The following SUPT3H variants were observed in gnomAD, a reference collection of about 807,000 sequenced individuals.
SUPT3H encodes transcription initiation protein SPT3 homolog.
Under a neutral mutation model 44.3 loss-of-function variants are expected in SUPT3H, and 44 were observed. That is an observed-to-expected ratio of 0.99 (90% CI 0.78 to 1.28). SUPT3H has a LOEUF of 1.28. SUPT3H is among the 50% of genes most tolerant of loss of function. SUPT3H has a pLI of 0.00. For missense variants in SUPT3H, 380 were observed against 387.1 expected (o/e 0.98, Z 0.15); for synonymous variants, 124 against 125.6 (o/e 0.99, Z 0.09).
chr6:45,082,744 A>T (rs1431953757), intron 3 of SUPT3H, among the ~76,000 whole-genome samples: 1 of 152,162 alleles, frequency 6.6e-6, no homozygotes, highest in African/African-American at 2.4e-5. Context: ...GACTACTTCT[A>T]CTCAACATAG....
intron 2 of SUPT3H, among the ~76,000 whole-genome samples, chr6:45,295,542 A>AC (rs1225739355): frequency 1.1e-4 from 16 of 148,472 alleles, no homozygotes; most frequent in Non-Finnish European, 2.1e-4. Flanking sequence ...AAAAAAAAAA[A>AC]AAAAAAAAAA....
chr6:44,958,531 A>G (rs1775542748), intron 7 of SUPT3H, among the ~76,000 whole-genome samples: 1 of 152,070 alleles, frequency 6.6e-6, no homozygotes, highest in Non-Finnish European at 1.5e-5. Flanking sequence ...TTTCCTTTAT[A>G]CATATTTATG....
chr6:45,367,459 A>G (rs1025784982), intron 1 of SUPT3H, among the ~76,000 whole-genome samples: 2 of 148,158 alleles, frequency 1.3e-5, no homozygotes, highest in African/African-American at 4.9e-5. Flanking sequence ...GACTCGGATT[A>G]AAAAAAAAAA....
intron 3 of SUPT3H, among the ~76,000 whole-genome samples, chr6:45,023,960 C>A (rs1345604063): frequency 6.6e-6 from 1 of 152,058 alleles, no homozygotes; most frequent in Non-Finnish European, 1.5e-5. Context: ...ACTGGGCAGT[C>A]CAATTCCACA....
At chr6:45,249,807 G>T (rs995161129) in intron 2 of SUPT3H, among the ~76,000 whole-genome samples, 2 of 147,628 alleles carry the variant, frequency 1.4e-5, no homozygotes, top group East Asian at 1.9e-4. Flanking sequence ...ACACATCTGT[G>T]GGGGGGTGGG....
chr6:45,033,198 C>T (rs548602035), intron 3 of SUPT3H, among the ~76,000 whole-genome samples: 32 of 152,180 alleles, frequency 2.1e-4, no homozygotes, highest in African/African-American at 3.4e-4. Context: ...CATATATTAA[C>T]CTTTTATTTC....
In SUPT3H at chr6:45,138,619, G is replaced by A. The variant is rs576853249; in HGVS notation, c.102-32613C>T. ...TGGAAAATACTCTGTGTGTGTGTGT[G>A]TCTGTGTGTGTGTGATTTCATTTAT... is the stretch of plus-strand genomic sequence containing the variant. On this transcript the variant is annotated intron_variant, in intron 2 of 10. Coordinates refer to ENST00000371459, the MANE Select transcript of SUPT3H (RefSeq NM_003599.4). 3.9e-5 allele frequency among the ~76,000 whole-genome samples: 6 copies of A among 152,228 alleles called. No homozygotes were observed. The East Asian group carries it at 7.7e-4, about 20-fold the overall frequency.
intron 3 of SUPT3H, among the ~76,000 whole-genome samples, chr6:45,041,893 T>C (rs1583213872): frequency 6.6e-6 from 1 of 152,200 alleles, no homozygotes; most frequent in Non-Finnish European, 1.5e-5. Flanking sequence ...GAGATGATTA[T>C]GGGCTTATCC....
In SUPT3H at chr6:44,960,386, C is replaced by T. The variant is rs184754536; in HGVS notation, c.580+1367G>A. 2.1e-5 allele frequency among the ~76,000 whole-genome samples: 3 copies of T among 143,952 alleles called. No homozygotes were observed. The Admixed American group carries it at 2.1e-4, about 10-fold the overall frequency. 94.4% of individuals were successfully genotyped at this position (143,952 alleles called of 152,430 possible). On this transcript the variant is annotated intron_variant, in intron 7 of 10. Coordinates refer to ENST00000371459, the MANE Select transcript of SUPT3H (RefSeq NM_003599.4). ...AGTGAGCCGAGATCGCACCACTGCA[C>T]TCCAGACTGGGCAACAGAGTGAGAT...
At chr6:45,145,284 T>C (rs1366112609) in intron 2 of SUPT3H, among the ~76,000 whole-genome samples, 1 of 152,106 alleles carries the variant, frequency 6.6e-6, no homozygotes, top group Non-Finnish European at 1.5e-5. Context: ...AAAGCTATAG[T>C]TACCGAAACA....
chr6:45,081,274 A>G (rs1413539079), intron 3 of SUPT3H, among the ~76,000 whole-genome samples: 1 of 151,908 alleles, frequency 6.6e-6, no homozygotes, highest in Non-Finnish European at 1.5e-5. Context: ...AGAAATACTG[A>G]TATTTCTGTT....
chr6:44,917,858 C>A (rs186642476), intron 10 of SUPT3H, among the ~76,000 whole-genome samples: 371 of 152,242 alleles, frequency 2.4e-3, no homozygotes, highest in African/African-American at 8.4e-3. Flanking sequence ...TAGAAAAAAA[C>A]CAGTTCTTTG....
intron 2 of SUPT3H, among the ~76,000 whole-genome samples, chr6:45,188,211 C>A (rs1321242401): frequency 6.6e-6 from 1 of 152,152 alleles, no homozygotes; most frequent in East Asian, 1.9e-4. Context: ...TCCAATTTGC[C>A]AAAGAGATGC....
intron 7 of SUPT3H, among the ~76,000 whole-genome samples, chr6:44,961,227 C>T (rs1775973955): frequency 6.6e-6 from 1 of 152,162 alleles, no homozygotes; most frequent in South Asian, 2.1e-4. Flanking sequence ...ACTAGTGTTA[C>T]TAGAGCATGT....
intron 3 of SUPT3H, among the ~76,000 whole-genome samples, chr6:45,026,522 T>C (rs1388544616): frequency 6.6e-6 from 1 of 152,106 alleles, no homozygotes; most frequent in Non-Finnish European, 1.5e-5. Context: ...TATTTAACTT[T>C]TAAATTTTAT....
intron 10 of SUPT3H, among the ~76,000 whole-genome samples, chr6:44,905,269 C>A (rs1202245338): frequency 1.3e-5 from 2 of 152,178 alleles, no homozygotes; most frequent in Non-Finnish European, 2.9e-5. Flanking sequence ...GCAATCTACT[C>A]ATCTGACAAA....
rs139747590 is a variant in SUPT3H, at chr6:44,879,290, A to G, written c.913-49433T>C. The stretch of plus-strand genomic sequence containing the variant: ...CTTGAGTAGGCAATGTTCCCCTCAC[A>G]GTGTAAGCAAAGCTGCCTGGAACTT... On this transcript the variant is annotated intron_variant, in intron 10 of 10. Coordinates refer to ENST00000371459, the MANE Select transcript of SUPT3H (RefSeq NM_003599.4). Among the ~76,000 whole-genome samples, 809 of 152,316 alleles carry G rather than the reference A, an allele frequency of 5.3e-3. 5 individuals are homozygous for G. The highest frequency in any genetic ancestry group is 0.018 in the African/African-American group (755 of 41,574).
intron 2 of SUPT3H, chr6:45,197,533 T>C: frequency 8.2e-6 from 2 of 244,484 alleles, no homozygotes; most frequent in South Asian, 1.0e-4. Flanking sequence ...CTATAATACA[T>C]GCTTTTTAAA....
intron 10 of SUPT3H, among the ~76,000 whole-genome samples, chr6:44,908,244 T>C (rs995687250): frequency 2.6e-5 from 4 of 151,206 alleles, no homozygotes; most frequent in Non-Finnish European, 5.9e-5. Context: ...CTCTGCCTCC[T>C]GGGTTCACAT....
Sources: allele counts gnomAD v4.1 joint callset (sites outside exome capture counted in the v4.1 genomes callset), GRCh38; gene constraint gnomAD v4.1.1; transcripts MANE v1.5; gene names NCBI Gene and HGNC (gene_info 2026-07-23, HGNC 2026-07-21).